CDK14: variants seen among roughly 807,000 people sequenced by gnomAD.
The protein encoded by CDK14 is cyclin dependent kinase 14, also known as cyclin-dependent kinase 14.
Under a neutral mutation model 60.7 loss-of-function variants are expected in CDK14, and 34 were observed. The ratio of observed to expected loss-of-function variants is 0.56; its 90% confidence interval spans 0.43 to 0.75. The LOEUF is 0.75. Ranked by LOEUF, CDK14 falls within the 30% of genes least tolerant of loss-of-function variation. CDK14 has a pLI of 0.00. For synonymous variants in CDK14, 197 were observed against 203.7 expected (o/e 0.97, Z 0.28); for missense variants, 482 against 564.1 (o/e 0.85, Z 1.47).
intron 2 of CDK14, among the ~76,000 whole-genome samples, chr7:90,607,080 C>CAT: frequency 6.6e-6 from 1 of 152,296 alleles, no homozygotes; most frequent in African/African-American, 2.4e-5. Context: ...AAACCCCAAT[C>CAT]ATCACGCTTA....
At chr7:90,640,906 A>G (rs1021603483) in intron 2 of CDK14, among the ~76,000 whole-genome samples, 4 of 152,170 alleles carry the variant, frequency 2.6e-5, no homozygotes, top group African/African-American at 9.7e-5. Flanking sequence ...CAATAATAAA[A>G]GACAACCCAA....
rs186557821 is a variant in CDK14 at position 90,824,944 on chromosome 7, G to A, written c.544+34292G>A. ...GCTGGCAATATTTCAAATATTTTCT[G>A]ATTAAGTTGTTTTGCTAGATTCGTA... On this transcript the variant is annotated intron_variant, in intron 5 of 14. Transcript: ENST00000380050. Among the ~76,000 whole-genome samples, 11 of 152,234 alleles carry A rather than the reference G, an allele frequency of 7.2e-5. No individual in the cohort carries two copies. In the East Asian group the frequency reaches 2.1e-3, roughly 29 times the overall value.
At chr7:91,072,317 T>C (rs1584015004) in intron 11 of CDK14, among the ~76,000 whole-genome samples, 1 of 152,118 alleles carries the variant, frequency 6.6e-6, no homozygotes, top group African/African-American at 2.4e-5. Flanking sequence ...AAGGAGCAGG[T>C]ACCCATCTTT....
At chr7:90,668,699 CTTTTTTTTTTTTT>C (rs59773768) in intron 2 of CDK14, among the ~76,000 whole-genome samples, 7 of 87,536 alleles carry the variant, frequency 8.0e-5, no homozygotes, top group Non-Finnish European at 1.6e-4. Flanking sequence ...GACTCGCATT[CTTTTTTTTTTTTT>C]TTTTTTTTTT....
intron 4 of CDK14, among the ~76,000 whole-genome samples, chr7:90,782,354 A>G (rs905528267): frequency 6.6e-6 from 1 of 152,116 alleles, no homozygotes; most frequent in East Asian, 1.9e-4. Context: ...CAATCATGTC[A>G]TCTGCAAACA....
At chr7:90,838,397 C>A (rs1790182920) in intron 5 of CDK14, among the ~76,000 whole-genome samples, 1 of 152,062 alleles carries the variant, frequency 6.6e-6, no homozygotes, top group African/African-American at 2.4e-5. Flanking sequence ...AATATGAAAT[C>A]AGTGCACCCT....
intron 10 of CDK14, among the ~76,000 whole-genome samples, chr7:90,990,776 G>T (rs1795509462): frequency 6.6e-6 from 1 of 152,078 alleles, no homozygotes; most frequent in African/African-American, 2.4e-5. Context: ...TCTTACAAAT[G>T]TGCCCAAATA....
intron 3 of CDK14, among the ~76,000 whole-genome samples, chr7:90,743,518 G>T (rs35148959): frequency 6.6e-6 from 1 of 151,878 alleles, no homozygotes; most frequent in East Asian, 1.9e-4. Flanking sequence ...TAATTAAGCC[G>T]CTGTTTCTAG....
At chr7:91,082,394 T>C (rs1205459917) in intron 12 of CDK14, among the ~76,000 whole-genome samples, 3 of 152,220 alleles carry the variant, frequency 2.0e-5, no homozygotes, top group African/African-American at 7.2e-5. Context: ...TCTACAGACT[T>C]GAATAGGCAC....
chr7:90,721,968 C>T (rs184278706), intron 2 of CDK14, among the ~76,000 whole-genome samples: 82 of 152,196 alleles, frequency 5.4e-4, no homozygotes, highest in Middle Eastern at 6.8e-3. Context: ...AAGACTTGTA[C>T]GCAGGGGAGT....
chr7:91,150,630 A>G (rs1337916952), intron 14 of CDK14, among the ~76,000 whole-genome samples: 2 of 152,208 alleles, frequency 1.3e-5, no homozygotes, highest in Non-Finnish European at 2.9e-5. Context: ...TACTCCATCT[A>G]TGAAAAATAG....
At chr7:91,116,723 C>T (rs1799621229) in intron 13 of CDK14, among the ~76,000 whole-genome samples, 1 of 152,064 alleles carries the variant, frequency 6.6e-6, no homozygotes, top group East Asian at 1.9e-4. Context: ...TGGTCTTTTC[C>T]CAGCCTATCG....
chr7:91,038,947 T>C (rs531074230), intron 10 of CDK14, among the ~76,000 whole-genome samples: 71 of 152,322 alleles, frequency 4.7e-4, no homozygotes, highest in African/African-American at 1.5e-3. Flanking sequence ...TCTTTTTCTT[T>C]CCAGTCTTGG....
intron 2 of CDK14, among the ~76,000 whole-genome samples, chr7:90,684,564 C>T (rs1404551538): frequency 6.6e-6 from 1 of 152,170 alleles, no homozygotes; most frequent in African/African-American, 2.4e-5. Flanking sequence ...AAGATATACT[C>T]AGAGAAGTGT....
chr7:91,139,082 G>C (rs1477791354), intron 14 of CDK14, among the ~76,000 whole-genome samples: 1 of 152,084 alleles, frequency 6.6e-6, no homozygotes, highest in African/African-American at 2.4e-5. Context: ...ATCCAAATTC[G>C]AGTGCCTCCA....
chr7:90,841,723 G>T (rs1297365209), intron 5 of CDK14, among the ~76,000 whole-genome samples: 1 of 148,600 alleles, frequency 6.7e-6, no homozygotes, highest in Non-Finnish European at 1.5e-5. Context: ...AACAAAAGGA[G>T]CTGGGAAGAT....
At chr7:91,164,951 C>T (rs1657111447) in intron 14 of CDK14, among the ~76,000 whole-genome samples, 1 of 152,116 alleles carries the variant, frequency 6.6e-6, no homozygotes, top group South Asian at 2.1e-4. Flanking sequence ...ACTAACTTGC[C>T]ACAGATACAC....
intron 14 of CDK14, among the ~76,000 whole-genome samples, chr7:91,180,660 A>G (rs2115875683): frequency 6.6e-6 from 1 of 152,306 alleles, no homozygotes. Context: ...GTGTCAGATA[A>G]GTAATGGAGT....
intron 9 of CDK14, among the ~76,000 whole-genome samples, chr7:90,968,032 A>G (rs1455365880): frequency 6.6e-6 from 1 of 152,210 alleles, no homozygotes; most frequent in Non-Finnish European, 1.5e-5. Flanking sequence ...GCTTGTTATG[A>G]CAATTGTGAA....
Sources: allele counts gnomAD v4.1 joint callset (sites outside exome capture counted in the v4.1 genomes callset), GRCh38; gene constraint gnomAD v4.1.1; transcripts MANE v1.5; gene names NCBI Gene and HGNC (gene_info 2026-07-23, HGNC 2026-07-21).